TRPM3: variants seen among roughly 807,000 people sequenced by gnomAD.
TRPM3 encodes transient receptor potential cation channel subfamily M member 3, also known as long transient receptor potential channel 3.
Under a neutral mutation model 181.2 loss-of-function variants are expected in TRPM3, and 77 were observed. The observed-to-expected ratio is 0.42, with a 90% CI of 0.35 to 0.51. The LOEUF (loss-of-function observed/expected upper bound fraction) is 0.51, where lower values mean the gene tolerates loss of function less well. TRPM3 is among the 20% of genes least tolerant of loss of function. TRPM3 has a pLI of 0.01. For synonymous variants in TRPM3, 745 were observed against 796.4 expected (o/e 0.94, Z 1.09); for missense variants, 1,759 against 2,196.7 (o/e 0.80, Z 3.98).
intron 1 of TRPM3, among the ~76,000 whole-genome samples, chr9:71,222,075 C>G (rs1025238499): frequency 6.6e-6 from 1 of 152,146 alleles, no homozygotes; most frequent in African/African-American, 2.4e-5. Flanking sequence ...AGATACCTCC[C>G]ACAGGTTTTG....
chr9:70,920,991 A>T (rs1413140004), intron 1 of TRPM3, among the ~76,000 whole-genome samples: 1 of 152,154 alleles, frequency 6.6e-6, no homozygotes, highest in East Asian at 1.9e-4. Context: ...GTGTCTATAT[A>T]TCTTTTTTAC....
intron 1 of TRPM3, among the ~76,000 whole-genome samples, chr9:71,285,571 C>T (rs1234397425): frequency 6.6e-6 from 1 of 152,122 alleles, no homozygotes; most frequent in African/African-American, 2.4e-5. Flanking sequence ...GCCCAGCACG[C>T]CCCAGTTTAA....
intron 4 of TRPM3, among the ~76,000 whole-genome samples, chr9:70,844,244 T>G (rs1156629379): frequency 1.3e-5 from 2 of 152,102 alleles, no homozygotes; most frequent in Non-Finnish European, 2.9e-5. Flanking sequence ...GGAAAAGACA[T>G]GTGTATTTAA....
At chr9:71,185,825 G>A (rs1392388120) in intron 1 of TRPM3, among the ~76,000 whole-genome samples, 1 of 152,036 alleles carries the variant, frequency 6.6e-6, no homozygotes, top group Non-Finnish European at 1.5e-5. Flanking sequence ...ATGGACGTGT[G>A]CATGTGAAAA....
intron 8 of TRPM3, among the ~76,000 whole-genome samples, chr9:70,754,973 C>T (rs1301190685): frequency 6.6e-6 from 1 of 152,138 alleles, no homozygotes; most frequent in Non-Finnish European, 1.5e-5. Context: ...GAAAACAATG[C>T]CTACTTTGTG....
intron 18 of TRPM3, among the ~76,000 whole-genome samples, chr9:70,615,182 G>A (rs1341816035): frequency 6.6e-6 from 1 of 152,230 alleles, no homozygotes. Flanking sequence ...GTCATTGGTG[G>A]GGGTGGTGAG....
chr9:71,218,612 G>A (rs2080046633), intron 1 of TRPM3, among the ~76,000 whole-genome samples: 1 of 151,978 alleles, frequency 6.6e-6, no homozygotes. Context: ...TTCTCTTTTG[G>A]TCCTTCTTAT....
chr9:70,969,441 A>G (rs1210598558), intron 1 of TRPM3, among the ~76,000 whole-genome samples: 1 of 152,082 alleles, frequency 6.6e-6, no homozygotes, highest in African/African-American at 2.4e-5. Context: ...GACATTATGT[A>G]AAAACTAAGG....
Position 70,761,744 on chromosome 9 carries a change from C to G in TRPM3, c.1149-20G>C, listed in dbSNP as rs2078187127. 1.2e-6 allele frequency: 2 copies of G among 1,600,484 alleles called. No homozygotes were observed. Among genetic ancestry groups the G allele is most frequent in the South Asian group, 1.1e-5 (1 of 89,538 alleles). ...ATCAGTCTGCAAGTAAAAACAATGTCAAAAGCAGGTCAACCAACTCCTATT... is the reference window on the plus strand; with the variant it reads ...ATCAGTCTGCAAGTAAAAACAATGTGAAAAGCAGGTCAACCAACTCCTATT... On this transcript the variant is annotated intron_variant, in intron 7 of 25. Transcript: ENST00000677713.
intron 1 of TRPM3, among the ~76,000 whole-genome samples, chr9:71,443,535 G>T (rs987892080): frequency 1.3e-5 from 2 of 152,090 alleles, no homozygotes; most frequent in East Asian, 3.9e-4. Context: ...GCAGTGGCAG[G>T]GATAGCACAC....
intron 1 of TRPM3, among the ~76,000 whole-genome samples, chr9:71,386,432 A>T (rs2092924761): frequency 6.6e-6 from 1 of 151,574 alleles, no homozygotes; most frequent in Non-Finnish European, 1.5e-5. Context: ...CTGGGGACAG[A>T]GCAAGACTCT....
intron 6 of TRPM3, among the ~76,000 whole-genome samples, chr9:70,811,856 C>T (rs1463556956): frequency 6.6e-6 from 1 of 152,134 alleles, no homozygotes; most frequent in Non-Finnish European, 1.5e-5. Context: ...ACTCAACATG[C>T]ATAATATTAT....
chr9:70,578,202 T>C (rs1192197759), intron 22 of TRPM3, among the ~76,000 whole-genome samples: 4 of 150,804 alleles, frequency 2.7e-5, no homozygotes, highest in Non-Finnish European at 4.4e-5. Context: ...TTATCACAAA[T>C]GGTGAGCTGG....
chr9:71,440,377 C>T (rs1440325200), intron 1 of TRPM3, among the ~76,000 whole-genome samples: 1 of 152,164 alleles, frequency 6.6e-6, no homozygotes, highest in African/African-American at 2.4e-5. Context: ...ATTTCTTTTT[C>T]TCATCTAACT....
intron 1 of TRPM3, among the ~76,000 whole-genome samples, chr9:71,406,609 T>C (rs1394982328): frequency 1.3e-5 from 2 of 152,154 alleles, no homozygotes; most frequent in Non-Finnish European, 2.9e-5. Flanking sequence ...GAAAAAGCAG[T>C]GTGACTAAAA....
intron 9 of TRPM3, among the ~76,000 whole-genome samples, 191 bp downstream of exon 9, chr9:70,681,315 G>A (rs1017209862): frequency 6.6e-6 from 1 of 151,954 alleles, no homozygotes; most frequent in Non-Finnish European, 1.5e-5. Flanking sequence ...TTATAAAATT[G>A]AGTCACACTA....
chr9:70,885,813 C>T (rs555531271), intron 1 of TRPM3, among the ~76,000 whole-genome samples: 1 of 152,134 alleles, frequency 6.6e-6, no homozygotes, highest in Non-Finnish European at 1.5e-5. Flanking sequence ...ATTCTGCAAC[C>T]AATTTTTCCC....
At chr9:70,540,452 C>T (rs2043009879) in intron 25 of TRPM3, among the ~76,000 whole-genome samples, 1 of 152,194 alleles carries the variant, frequency 6.6e-6, no homozygotes, top group African/African-American at 2.4e-5. Context: ...TCTCTGTCCA[C>T]ATCCCACCCC....
chr9:71,365,035 G>T (rs909630103), intron 1 of TRPM3, among the ~76,000 whole-genome samples: 2 of 152,150 alleles, frequency 1.3e-5, no homozygotes, highest in Non-Finnish European at 2.9e-5. Context: ...GTCACACCAG[G>T]TCAGGAAGGG....
Sources: gnomAD v4.1 joint callset for allele counts (sites outside exome capture counted in the v4.1 genomes callset) on GRCh38, gnomAD v4.1.1 for gene constraint, MANE v1.5 for transcripts, NCBI Gene and HGNC (gene_info 2026-07-23, HGNC 2026-07-21) for gene names.